VANGL2: variants seen among roughly 807,000 people sequenced by gnomAD.
VANGL2 encodes the protein vang-like protein 2.
Under a neutral mutation model 50.2 loss-of-function variants are expected in VANGL2, and 14 were observed. That is an observed-to-expected ratio of 0.28 (90% CI 0.18 to 0.44). VANGL2 has a LOEUF of 0.44. VANGL2 is among the 20% of genes least tolerant of loss of function. VANGL2 has a pLI of 1.00. For missense variants in VANGL2, 533 were observed against 701.5 expected (o/e 0.76, Z 2.71); for synonymous variants, 295 against 297.2 (o/e 0.99, Z 0.08).
At position 160,400,763 on chromosome 1, in the gene VANGL2, G is replaced by A; in HGVS notation, c.-297G>A. On this transcript the variant is annotated 5_prime_UTR_variant, in exon 1 of 8. Coordinates refer to ENST00000368061, the MANE Select transcript of VANGL2 (RefSeq NM_020335.3). ...CTCAACATCCCCCATCGCGCGCGCT[G>A]CCTGTCCAGGAGCGCCGAGTTCGGA... 6.6e-6 allele frequency: 1 copy of A among 151,860 alleles called. No individual in the cohort carries two copies. Among genetic ancestry groups the A allele is most frequent in the Non-Finnish European group, 1.5e-5 (1 of 67,910 alleles). 9.4% of individuals were successfully genotyped at this position (151,860 alleles called of 1,614,324 possible).
intron 1 of VANGL2, among the ~76,000 whole-genome samples, chr1:160,403,633 G>C (rs1253188874): frequency 6.6e-6 from 1 of 150,648 alleles, no homozygotes; most frequent in African/African-American, 2.4e-5. Flanking sequence ...GCAGGGAAAA[G>C]GAAGAGATCT....
intron 1 of VANGL2, among the ~76,000 whole-genome samples, chr1:160,402,803 C>G (rs1193376192): frequency 6.6e-6 from 1 of 151,920 alleles, no homozygotes; most frequent in Non-Finnish European, 1.5e-5. Context: ...CTCTCCCTGT[C>G]CTCTCTCATC....
chr1:160,402,436 G>A (rs1650506102), intron 1 of VANGL2, among the ~76,000 whole-genome samples: 4 of 152,102 alleles, frequency 2.6e-5, no homozygotes, highest in Admixed American at 2.6e-4. Flanking sequence ...TTGAGATTTT[G>A]GTGTGGGATG....
At chr1:160,408,614 C>A (rs911038490) in intron 1 of VANGL2, among the ~76,000 whole-genome samples, 2 of 152,138 alleles carry the variant, frequency 1.3e-5, no homozygotes, top group Non-Finnish European at 2.9e-5. Context: ...ATCCTGCCCC[C>A]ACCCTGGGGC....
chr1:160,418,971 T>C, intron 3 of VANGL2, 31 bp from the exon 4 acceptor site: 1 of 1,591,234 alleles, frequency 6.3e-7, no homozygotes, highest in Non-Finnish European at 8.6e-7. Context: ...CTTTCCTCCT[T>C]ATTGTGTGGC....
At position 160,401,744 on chromosome 1, in the gene VANGL2, T is replaced by G. The variant is rs116567380; in HGVS notation, c.-191+875T>G. 1.4e-3 allele frequency among the ~76,000 whole-genome samples: 213 copies of G among 152,130 alleles called. 1 individual carries two copies. The Middle Eastern group carries it at 0.017, about 12-fold the overall frequency. On this transcript the variant is annotated intron_variant, in intron 1 of 7. Coordinates refer to ENST00000368061, the MANE Select transcript of VANGL2 (RefSeq NM_020335.3). ...GGGAGGGCGTGTATGTCTATGTGTGTGTACTGGGAGAGGGGTTCACGGGAA... is the reference window on the plus strand; with the variant it reads ...GGGAGGGCGTGTATGTCTATGTGTGGGTACTGGGAGAGGGGTTCACGGGAA...
At position 160,421,120 on chromosome 1, in the gene VANGL2, AAC is replaced by A; in HGVS notation, c.1008_1009del (p.Asn336LysfsTer4). ...VIAAAARRRD[N>X]SHNEYYYEEA... ...TGCAGCGGCAGCTCGGAGGCGGGAC[AAC>A]AGTCACAATGAGTACTACTATGAGG... On this transcript the variant is annotated frameshift_variant, in exon 6 of 8. Transcript: ENST00000368061. LOFTEE classifies it high-confidence loss of function. 6.2e-7 allele frequency: 1 copy of A among 1,614,152 alleles called. No homozygotes were observed. The highest frequency in any genetic ancestry group is 1.7e-4 in the Middle Eastern group (1 of 6,054).
At chr1:160,407,074 G>A (rs1469104544) in intron 1 of VANGL2, among the ~76,000 whole-genome samples, 1 of 152,176 alleles carries the variant, frequency 6.6e-6, no homozygotes, top group Non-Finnish European at 1.5e-5. Flanking sequence ...ATAGGAACAG[G>A]TGCTGAGCCC....
chr1:160,422,697 G>A (rs951424317), intron 6 of VANGL2, among the ~76,000 whole-genome samples: 3 of 152,136 alleles, frequency 2.0e-5, no homozygotes, highest in African/African-American at 7.2e-5. Flanking sequence ...GCTCTTTTCA[G>A]CTTCTAACAT....
intron 1 of VANGL2, among the ~76,000 whole-genome samples, chr1:160,408,889 G>A (rs1650781249): frequency 6.6e-6 from 1 of 152,358 alleles, no homozygotes; most frequent in Middle Eastern, 3.4e-3. Context: ...TGCCCACTCT[G>A]TACCTTAGTC....
intron 1 of VANGL2, among the ~76,000 whole-genome samples, chr1:160,415,381 C>T (rs1651018666): frequency 6.6e-6 from 1 of 152,198 alleles, no homozygotes; most frequent in African/African-American, 2.4e-5. Flanking sequence ...GGGGTTGGGT[C>T]ATTCTGGGTG....
rs1651425174 is a variant in VANGL2, at chr1:160,425,598, A to G, written c.*220A>G. 2 of 557,686 alleles carry G rather than the reference A, an allele frequency of 3.6e-6. No individual in the cohort carries two copies. The highest frequency in any genetic ancestry group is 2.9e-5 in the East Asian group (1 of 33,994). 34.5% of individuals were successfully genotyped at this position (557,686 alleles called of 1,614,324 possible). On this transcript the variant is annotated 3_prime_UTR_variant, in exon 8 of 8. Transcript: ENST00000368061. The stretch of plus-strand genomic sequence containing the variant: ...CTGCTGTCAACAGTACCTGGGAAGG[A>G]CTCCCACCTCACCAACAACTTTTGT...
chr1:160,421,149 G>A lies in VANGL2; in HGVS notation c.1035G>A (p.Glu345=). ...GTCACAATGAGTACTACTATGAGGA[G>A]GCTGAGCATGAGCGAAGGGTGCGCA... is the stretch of plus-strand genomic sequence containing the variant. ...DNSHNEYYYE[E]AEHERRVRKR... is the part of the protein sequence containing the mutation. Residue 345 remains glutamate, a synonymous_variant, in exon 6 of 8, where the codon GAG becomes GAA. Coordinates refer to ENST00000368061, the MANE Select transcript of VANGL2 (RefSeq NM_020335.3). 1.2e-6 allele frequency: 2 copies of A among 1,614,046 alleles called. No homozygotes were observed. The highest frequency in any genetic ancestry group is 1.7e-6 in the Non-Finnish European group (2 of 1,180,048).
chr1:160,415,755 T>C lies in VANGL2; in HGVS notation c.-83T>C. On this transcript the variant is annotated 5_prime_UTR_variant, in exon 2 of 8. Transcript: ENST00000368061. ...GTGCCTCTTGGCCTAAAGAAGCCGG[T>C]GCTGAAGGAGGTGGCTGTGGGGCCC... 1 of 1,506,974 alleles carries C rather than the reference T, an allele frequency of 6.6e-7. No homozygotes were observed. Among genetic ancestry groups the C allele is most frequent in the Non-Finnish European group, 9.1e-7 (1 of 1,102,690 alleles). 93.4% of individuals were successfully genotyped at this position (1,506,974 alleles called of 1,614,324 possible).
At chr1:160,415,603 A>C in intron 1 of VANGL2, 45 bp from the exon 2 acceptor site, 1 of 571,202 alleles carries the variant, frequency 1.8e-6, no homozygotes, top group Non-Finnish European at 3.1e-6. Context: ...CCCTGACCCC[A>C]CAGGGAGCTC....
chr1:160,409,248 C>A (rs1650793222), intron 1 of VANGL2, among the ~76,000 whole-genome samples: 1 of 152,230 alleles, frequency 6.6e-6, no homozygotes, highest in Non-Finnish European at 1.5e-5. Flanking sequence ...GTCAGTGTTA[C>A]TACGATTTTC....
At chr1:160,406,705 G>C (rs1482297983) in intron 1 of VANGL2, among the ~76,000 whole-genome samples, 1 of 150,666 alleles carries the variant, frequency 6.6e-6, no homozygotes, top group African/African-American at 2.4e-5. Context: ...GAGAGGGTGT[G>C]TTTGTTTGTG....
At chr1:160,413,304 G>A (rs940512246) in intron 1 of VANGL2, among the ~76,000 whole-genome samples, 4 of 147,838 alleles carry the variant, frequency 2.7e-5, no homozygotes, top group Admixed American at 6.8e-5. Flanking sequence ...TTTTTGAGAC[G>A]GAGTCTCGTT....
chr1:160,408,197 G>T (rs1365007915), intron 1 of VANGL2, among the ~76,000 whole-genome samples: 3 of 151,912 alleles, frequency 2.0e-5, no homozygotes, highest in Non-Finnish European at 4.4e-5. Flanking sequence ...AGCGGAGCAG[G>T]TCTCTACAGA....
Sources: gnomAD v4.1 joint callset for allele counts (sites outside exome capture counted in the v4.1 genomes callset) on GRCh38, gnomAD v4.1.1 for gene constraint, MANE v1.5 for transcripts, NCBI Gene and HGNC (gene_info 2026-07-23, HGNC 2026-07-21) for gene names.